Variants in ZDHHC13 observed in about 807,000 individuals in gnomAD.
ZDHHC13 encodes zDHHC palmitoyltransferase 13.
ZDHHC13 carries 85 observed loss-of-function variants against 86.0 expected under a neutral mutation model. The ratio of observed to expected loss-of-function variants is 0.99; its 90% CI spans 0.83 to 1.18. The LOEUF is 1.18. ZDHHC13 is among the 50% of genes most tolerant of loss of function. ZDHHC13 has a pLI of 0.00. For missense variants in ZDHHC13, 711 were observed against 730.2 expected (o/e 0.97, Z 0.30); for synonymous variants, 263 against 246.4 (o/e 1.07, Z -0.63).
chr11:19,169,663 G>A, intron 14 of ZDHHC13: 1 of 985,470 alleles, frequency 1.0e-6, no homozygotes, highest in Non-Finnish European at 1.2e-6. Context: ...ACATAACCTT[G>A]AAGATCCGTT....
At chr11:19,119,393 C>T (rs1848713652) in intron 1 of ZDHHC13, among the ~76,000 whole-genome samples, 2 of 152,200 alleles carry the variant, frequency 1.3e-5, no homozygotes. Flanking sequence ...GCGTGAGCCA[C>T]CGCTCCCAGC....
At chr11:19,164,899 C>A (rs1211115409) in intron 12 of ZDHHC13, 153 bp from the exon 13 acceptor site, 2 of 625,938 alleles carry the variant, frequency 3.2e-6, no homozygotes, top group East Asian at 5.6e-5. Context: ...GAAGTAAATA[C>A]TAATAAGGCA....
rs1850359135 is a variant in ZDHHC13 at position 19,176,169 on chromosome 11, A to G, written c.*209A>G. ...ACTTTTCTGATAAATCTTGGCAGACATCTAAAAAAAAAACCATATTTTTCA... is the reference window on the plus strand; with the variant it reads ...ACTTTTCTGATAAATCTTGGCAGACGTCTAAAAAAAAAACCATATTTTTCA... On this transcript the variant is annotated 3_prime_UTR_variant, in exon 17 of 17. Coordinates refer to ENST00000446113, the MANE Select transcript of ZDHHC13 (RefSeq NM_019028.3). The G allele has an allele frequency of 2.5e-6, 1 of 406,120 alleles. No homozygotes were observed. Among genetic ancestry groups the G allele is most frequent in the Non-Finnish European group, 4.2e-6 (1 of 239,776 alleles). 25.2% of individuals were successfully genotyped at this position (406,120 alleles called of 1,614,324 possible).
chr11:19,142,671 A>T (rs1379695077), intron 1 of ZDHHC13, among the ~76,000 whole-genome samples: 1 of 152,142 alleles, frequency 6.6e-6, no homozygotes, highest in African/African-American at 2.4e-5. Flanking sequence ...GATTTTTTGT[A>T]ATAGTAAGCA....
At chr11:19,145,552 A>C (rs1849439687) in intron 2 of ZDHHC13, among the ~76,000 whole-genome samples, 1 of 152,058 alleles carries the variant, frequency 6.6e-6, no homozygotes, top group South Asian at 2.1e-4. Context: ...ATGTCTCACC[A>C]TTCCCTCTCA....
chr11:19,137,563 GGACCTAATA>G (rs1262799584), intron 1 of ZDHHC13, among the ~76,000 whole-genome samples: 2 of 151,472 alleles, frequency 1.3e-5, no homozygotes, highest in Non-Finnish European at 2.9e-5. Flanking sequence ...TGCACCAAGC[GGACCTAATA>G]GACATCTACA....
chr11:19,137,428 C>T lies in ZDHHC13; in HGVS notation c.28-5550C>T, dbSNP rs910050761. On this transcript the variant is annotated intron_variant, in intron 1 of 16. Coordinates refer to ENST00000446113, the MANE Select transcript of ZDHHC13 (RefSeq NM_019028.3). The stretch of plus-strand genomic sequence containing the variant: ...CCAGATTCATAAAGCAAGTCCTGAG[C>T]GACCTACAAAGAGACTTAGACTCCC... Among the ~76,000 whole-genome samples, 390 of 152,008 alleles carry T rather than the reference C, an allele frequency of 2.6e-3. 1 individual carries two copies. Among genetic ancestry groups the T allele is most frequent in the African/African-American group, 5.1e-3 (210 of 41,418 alleles).
chr11:19,132,377 A>G (rs1849020568), intron 1 of ZDHHC13, among the ~76,000 whole-genome samples: 1 of 152,170 alleles, frequency 6.6e-6, no homozygotes, highest in Admixed American at 6.5e-5. Context: ...AACCCAAGGG[A>G]TCATCAAAGA....
At chr11:19,135,830 C>T (rs1415232639) in intron 1 of ZDHHC13, among the ~76,000 whole-genome samples, 1 of 152,178 alleles carries the variant, frequency 6.6e-6, no homozygotes, top group East Asian at 1.9e-4. Context: ...CCTCACATGG[C>T]CGGGTACTCC....
chr11:19,132,258 C>A lies in ZDHHC13; in HGVS notation c.28-10720C>A, dbSNP rs7102519. Among the ~76,000 whole-genome samples, 1,251 of 152,184 alleles carry A rather than the reference C, an allele frequency of 8.2e-3. 13 individuals are homozygous for A. The highest frequency in any genetic ancestry group is 0.027 in the African/African-American group (1,138 of 41,516). The stretch of plus-strand genomic sequence containing the variant: ...AAGTTAATGTTGCTCAATTTGAGTC[C>A]TTTGAAGTCTGATTTTAGGCTTCTC... On this transcript the variant is annotated intron_variant, in intron 1 of 16. Coordinates refer to ENST00000446113, the MANE Select transcript of ZDHHC13 (RefSeq NM_019028.3).
At chr11:19,167,988 A>T (rs1255696009) in intron 14 of ZDHHC13, 1 of 151,936 alleles carries the variant, frequency 6.6e-6, no homozygotes, top group Non-Finnish European at 1.5e-5. Flanking sequence ...TAATTTTTAA[A>T]TTTTTTGTAG....
chr11:19,142,880 A>G, intron 1 of ZDHHC13, 98 bp from the exon 2 acceptor site: 2 of 1,283,982 alleles, frequency 1.6e-6, no homozygotes, highest in East Asian at 2.6e-5. Context: ...AATGTAATTT[A>G]TTAATATAGA....
At chr11:19,138,711 C>G (rs1437058541) in intron 1 of ZDHHC13, among the ~76,000 whole-genome samples, 1 of 151,440 alleles carries the variant, frequency 6.6e-6, no homozygotes, top group Middle Eastern at 3.2e-3. Context: ...AAAGCTTATC[C>G]ACCATGATCA....
intron 2 of ZDHHC13, 75 bp from the exon 3 acceptor site, chr11:19,146,106 T>C (rs952301738): frequency 7.0e-5 from 100 of 1,419,554 alleles, no homozygotes; most frequent in African/African-American, 1.0e-4. Flanking sequence ...TGAAAAGATA[T>C]AGTAAAGTGA....
intron 16 of ZDHHC13, 57 bp from the exon 17 acceptor site, chr11:19,175,765 T>G: frequency 6.3e-7 from 1 of 1,584,406 alleles, no homozygotes; most frequent in Non-Finnish European, 8.6e-7. Flanking sequence ...CATAAATGTT[T>G]GTCAAGCTAC....
At chr11:19,174,907 A>G (rs763473187) in intron 16 of ZDHHC13, among the ~76,000 whole-genome samples, 6 of 152,342 alleles carry the variant, frequency 3.9e-5, no homozygotes, top group Non-Finnish European at 8.8e-5. Flanking sequence ...GATACCTTAT[A>G]TAGAGCCTTG....
chr11:19,117,372 G>A lies in ZDHHC13; in HGVS notation c.27+96G>A. The stretch of plus-strand genomic sequence containing the variant: ...GTGGGTGAGAGGCCGCTCGATGAGG[G>A]GGTTTCGGGAGCGGCGGGGCCTAGG... On this transcript the variant is annotated intron_variant, in intron 1 of 16. Coordinates refer to ENST00000446113, the MANE Select transcript of ZDHHC13 (RefSeq NM_019028.3). This position sits in a 1 kb window ranked among gnomAD's most constrained non-coding sequence, Gnocchi z 4.2. 1.6e-6 allele frequency: 2 copies of A among 1,280,956 alleles called. No individual in the cohort carries two copies. The highest frequency in any genetic ancestry group is 2.0e-6 in the Non-Finnish European group (2 of 977,898). The allele number at this position is 1,280,956 out of a possible 1,614,324, so 79.3% of individuals were successfully genotyped here. A position where few individuals can be genotyped will look rare whatever the true frequency, so the allele number is the denominator to read the frequency against.
intron 8 of ZDHHC13, among the ~76,000 whole-genome samples, chr11:19,154,267 A>G (rs1273944911): frequency 1.3e-5 from 2 of 152,194 alleles, no homozygotes; most frequent in Non-Finnish European, 2.9e-5. Context: ...TGTTGAATGA[A>G]TAGGGCAGCT....
At chr11:19,146,408 T>G in intron 3 of ZDHHC13, 105 bp downstream of exon 3, 1 of 1,316,448 alleles carries the variant, frequency 7.6e-7, no homozygotes, top group Non-Finnish European at 9.9e-7. Flanking sequence ...AATCCTCGTG[T>G]AAAAGAACAC....
Sources: gnomAD v4.1 joint callset for allele counts (sites outside exome capture counted in the v4.1 genomes callset) on GRCh38, gnomAD v4.1.1 for gene constraint, Gnocchi (gnomAD v3.1) non-coding constraint, MANE v1.5 for transcripts, NCBI Gene and HGNC (gene_info 2026-07-23, HGNC 2026-07-21) for gene names.